Variants in ATP11A observed in about 807,000 individuals in gnomAD.
The protein encoded by ATP11A is ATPase phospholipid transporting 11A, also known as phospholipid-transporting ATPase IH.
Under a neutral mutation model 154.4 loss-of-function variants are expected in ATP11A, and 81 were observed. That is an observed-to-expected ratio of 0.52 (90% CI 0.44 to 0.63). The LOEUF (loss-of-function observed/expected upper bound fraction) is 0.63, where lower values mean the gene tolerates loss of function less well. Ranked by LOEUF, ATP11A falls within the 30% of genes least tolerant of loss-of-function variation. The pLI, the probability that ATP11A is intolerant of heterozygous loss-of-function variation, is 0.00. For missense variants in ATP11A, 1,316 were observed against 1,474.3 expected, an observed-to-expected ratio of 0.89 and a Z score of 1.76; for synonymous variants, 623 against 585.9, an observed-to-expected ratio of 1.06 and a Z score of -0.91.
At position 112,753,472 on chromosome 13, in the gene ATP11A, G is replaced by A. The variant is rs913311511; in HGVS notation, c.40-31663G>A. 1.3e-5 allele frequency among the ~76,000 whole-genome samples: 2 copies of A among 152,246 alleles called. No individual in the cohort carries two copies. Among genetic ancestry groups the A allele is most frequent in the African/African-American group, 4.8e-5 (2 of 41,462 alleles). ...GCAGCCTGCGCTGCCCGGCTTGCCA[G>A]CTTCTGGGCCTGCCTACCGCTGCTG... On this transcript the variant is annotated intron_variant, in intron 1 of 29. Transcript: ENST00000375645. The surrounding 1 kb of genome is among the most constrained non-coding windows in gnomAD (Gnocchi z 4.1).
At chr13:112,738,334 C>T (rs992928057) in intron 1 of ATP11A, among the ~76,000 whole-genome samples, 1 of 151,956 alleles carries the variant, frequency 6.6e-6, no homozygotes, top group Non-Finnish European at 1.5e-5. Context: ...GATCACGCCA[C>T]GGCACTCCAA....
chr13:112,848,405 T>C (rs974368808), intron 17 of ATP11A, among the ~76,000 whole-genome samples: 9 of 152,300 alleles, frequency 5.9e-5, no homozygotes, highest in Non-Finnish European at 1.0e-4. Context: ...CTAGTTTTCG[T>C]GTGTTGACTT....
At chr13:112,858,342 G>T in intron 22 of ATP11A, 52 bp downstream of exon 22, 1 of 1,559,188 alleles carries the variant, frequency 6.4e-7, no homozygotes, top group East Asian at 2.3e-5. Context: ...TCACGCACAG[G>T]GTGGCACGAC....
rs560611512 is a variant in ATP11A at position 112,882,981 on chromosome 13, C to T, written c.*1115C>T. Reference sequence around the variant, plus strand: ...CCGCCTCCCGCACTGCAGCTCCGCCCGCCGGGCTCTGCGTCCCCACGTCCC... The same window carrying T: ...CCGCCTCCCGCACTGCAGCTCCGCCTGCCGGGCTCTGCGTCCCCACGTCCC... On this transcript the variant is annotated 3_prime_UTR_variant, in exon 30 of 30. Transcript: ENST00000375645. The surrounding 1 kb of genome is among the most constrained non-coding windows in gnomAD (Gnocchi z 5.1). 1.4e-4 allele frequency: 57 copies of T among 399,408 alleles called. No individual in the cohort carries two copies. The highest frequency in any genetic ancestry group is 1.0e-3 in the African/African-American group (49 of 48,722). The allele number at this position is 399,408 out of a possible 1,614,324, so 24.7% of individuals were successfully genotyped here.
intron 1 of ATP11A, among the ~76,000 whole-genome samples, chr13:112,780,454 TG>T (rs558516478): frequency 1.3e-5 from 2 of 152,068 alleles, no homozygotes; most frequent in Non-Finnish European, 2.9e-5. Context: ...GCTTCACACA[TG>T]GGATGCTTTC....
intron 1 of ATP11A, among the ~76,000 whole-genome samples, chr13:112,775,596 A>T (rs891124121): frequency 1.3e-5 from 2 of 152,240 alleles, no homozygotes; most frequent in African/African-American, 4.8e-5. Flanking sequence ...TTTTAAATTT[A>T]TTTCTGTAAG....
intron 15 of ATP11A, among the ~76,000 whole-genome samples, chr13:112,835,416 G>C (rs1419619894): frequency 1.3e-5 from 2 of 152,268 alleles, no homozygotes; most frequent in East Asian, 1.9e-4. Flanking sequence ...CAAATCCCTT[G>C]ATTCGGCGGG....
intron 1 of ATP11A, among the ~76,000 whole-genome samples, chr13:112,706,132 A>T (rs1289245621): frequency 6.6e-6 from 1 of 152,212 alleles, no homozygotes; most frequent in Non-Finnish European, 1.5e-5. Flanking sequence ...AAGAGAAGAC[A>T]TTGAAACACA....
rs1383888969 is a variant in ATP11A, at chr13:112,789,496, T to C, written c.162+4239T>C. Reference sequence around the variant, plus strand: ...TACTTAATTCACACCAGTGTCCTGATGTGTAGACCCTTGCGGAGACCTACT... The same window carrying C: ...TACTTAATTCACACCAGTGTCCTGACGTGTAGACCCTTGCGGAGACCTACT... On this transcript the variant is annotated intron_variant, in intron 2 of 29. Transcript: ENST00000375645. Among the ~76,000 whole-genome samples the C allele has an allele frequency of 4.0e-5, 6 of 148,652 alleles. No homozygotes were observed. In the East Asian group the frequency reaches 1.2e-3, roughly 30 times the overall value.
intron 8 of ATP11A, 140 bp from the exon 9 acceptor site, chr13:112,823,205 A>G: frequency 1.4e-6 from 1 of 690,544 alleles, no homozygotes; most frequent in Non-Finnish European, 2.6e-6. Context: ...ATCTGAATAT[A>G]AGCAAACCTC....
Position 112,696,156 on chromosome 13 carries a change from G to A in ATP11A, c.39+5701G>A, listed in dbSNP as rs1033223631. The stretch of plus-strand genomic sequence containing the variant: ...ATGATGGTGCCCACCTGGTGGGTCT[G>A]TGCAGTGACGGGACAGGTCACGGCG... On this transcript the variant is annotated intron_variant, in intron 1 of 29. Transcript: ENST00000375645. The surrounding 1 kb of genome is among the most constrained non-coding windows in gnomAD (Gnocchi z 6.2). 6.6e-5 allele frequency among the ~76,000 whole-genome samples: 10 copies of A among 152,244 alleles called. No individual in the cohort carries two copies. The highest frequency in any genetic ancestry group is 5.2e-4 in the Admixed American group (8 of 15,290).
chr13:112,727,280 C>T (rs1308109674), intron 1 of ATP11A, among the ~76,000 whole-genome samples: 4 of 152,232 alleles, frequency 2.6e-5, no homozygotes, highest in African/African-American at 9.6e-5. Flanking sequence ...CTCCTGACCT[C>T]AGGTGATCTG....
intron 2 of ATP11A, among the ~76,000 whole-genome samples, chr13:112,801,508 G>T (rs1048495919): frequency 9.9e-5 from 15 of 152,238 alleles, no homozygotes; most frequent in Admixed American, 2.6e-4. Flanking sequence ...GACTATCTTT[G>T]TTCACAAGTG....
At chr13:112,732,078 G>A (rs1331867297) in intron 1 of ATP11A, among the ~76,000 whole-genome samples, 8 of 152,196 alleles carry the variant, frequency 5.3e-5, no homozygotes, top group Non-Finnish European at 1.2e-4. Context: ...AAAGGCTCCG[G>A]CATGAGTTCG....
chr13:112,740,138 CTCTCTCTCTCTATA>C lies in ATP11A; in HGVS notation c.40-44995_40-44982del, dbSNP rs991411227. On this transcript the variant is annotated intron_variant, in intron 1 of 29. Coordinates refer to ENST00000375645, the MANE Select transcript of ATP11A (RefSeq NM_015205.3). ...TATAGCATGTGAATTCTCTCTCTCTCTCTCTCTCTCTATATATATATATATATATATAGATATCT... is the reference window on the plus strand; with the variant it reads ...TATAGCATGTGAATTCTCTCTCTCTCTATATATATATATATATAGATATCT... Among the ~76,000 whole-genome samples, 172 of 103,106 alleles carry C rather than the reference CTCTCTCTCTCTATA, an allele frequency of 1.7e-3. No homozygotes were observed. In the East Asian group the frequency reaches 0.017, roughly 10 times the overall value. The allele number at this position is 103,106 out of a possible 152,430, so 67.6% of individuals were successfully genotyped here.
chr13:112,857,941 T>C (rs1264071113), intron 21 of ATP11A, 21 bp downstream of exon 21: 3 of 1,612,104 alleles, frequency 1.9e-6, no homozygotes, highest in Non-Finnish European at 2.5e-6. Flanking sequence ...TCCTTGCTGC[T>C]GGCACATCCT....
chr13:112,701,701 C>T (rs530149553), intron 1 of ATP11A, among the ~76,000 whole-genome samples: 14 of 152,200 alleles, frequency 9.2e-5, no homozygotes, highest in East Asian at 3.9e-4. Context: ...GGCGTGGTGG[C>T]GGGCGCCTGT....
At chr13:112,876,339 C>T (rs1162173700) in intron 28 of ATP11A, among the ~76,000 whole-genome samples, 1 of 151,962 alleles carries the variant, frequency 6.6e-6, no homozygotes, top group Non-Finnish European at 1.5e-5. Context: ...ATTGGTGGAG[C>T]TGCTTATTTT....
chr13:112,845,701 T>G (rs9550228), intron 17 of ATP11A, among the ~76,000 whole-genome samples: 20 of 42,696 alleles, frequency 4.7e-4, no homozygotes, highest in African/African-American at 4.6e-3. Flanking sequence ...GTCCAGTTGC[T>G]GGCACTAGCG....
Sources: gnomAD v4.1 joint callset for allele counts (sites outside exome capture counted in the v4.1 genomes callset) on GRCh38, gnomAD v4.1.1 for gene constraint, Gnocchi (gnomAD v3.1) non-coding constraint, MANE v1.5 for transcripts, NCBI Gene and HGNC (gene_info 2026-07-23, HGNC 2026-07-21) for gene names.